Variants in TRIM22 observed in about 807,000 individuals in gnomAD.
TRIM22 encodes the protein tripartite motif containing 22.
A neutral mutation model predicts 53.6 loss-of-function variants in TRIM22; 45 were observed. The observed-to-expected ratio is 0.84, with a 90% CI of 0.66 to 1.08. The LOEUF (loss-of-function observed/expected upper bound fraction) is 1.08. Ranked by LOEUF, TRIM22 falls within the 50% of genes least tolerant of loss-of-function variation. The pLI, the probability that TRIM22 is intolerant of heterozygous loss-of-function variation, is 0.00. For synonymous variants in TRIM22, 225 were observed against 216.6 expected (o/e 1.04, Z -0.34); for missense variants, 616 against 590.9 (o/e 1.04, Z -0.44).
At position 5,709,498 on chromosome 11, in the gene TRIM22, T is replaced by C; in HGVS notation, c.1347T>C (p.Tyr449=). ...GTCGTATTGGGGTTTTCCTAGACTA[T>C]GAGGCAGGCATTGTCTCATTTTTCA... ...PPCRIGVFLD[Y]EAGIVSFFNV... The change falls in exon 8 of 8, where the codon TAT becomes TAC. Residue 449 remains tyrosine (Y), a synonymous_variant. Transcript: ENST00000379965. 6.2e-6 allele frequency: 10 copies of C among 1,614,216 alleles called. No homozygotes were observed. The highest frequency in any genetic ancestry group is 8.5e-6 in the Non-Finnish European group (10 of 1,180,032).
At chr11:5,696,862 C>A in intron 2 of TRIM22, 1 of 582,384 alleles carries the variant, frequency 1.7e-6, no homozygotes, top group Non-Finnish European at 2.9e-6. Flanking sequence ...AAATTTTTAG[C>A]AAGGAAAAGT....
rs1853523304 is a variant in TRIM22, at chr11:5,709,524, A to G, written c.1373A>G (p.Asn458Ser). The change falls in exon 8 of 8, where the codon AAT (asparagine) becomes AGT (serine). Residue 458 changes from asparagine (N) to serine (S), a missense_variant. By Grantham distance (46) the Asn-to-Ser change is conservative. Coordinates refer to ENST00000379965, the MANE Select transcript of TRIM22 (RefSeq NM_006074.5). The part of the protein sequence containing the change: ...DYEAGIVSFF[N>S]VTNHGALIYK... ...GAGGCAGGCATTGTCTCATTTTTCAATGTCACAAACCACGGAGCACTCATC... is the reference window on the plus strand; with the variant it reads ...GAGGCAGGCATTGTCTCATTTTTCAGTGTCACAAACCACGGAGCACTCATC... 3 of 1,613,932 alleles carry G rather than the reference A, an allele frequency of 1.9e-6. No individual in the cohort carries two copies. Among genetic ancestry groups the G allele is most frequent in the African/African-American group, 1.3e-5 (1 of 74,952 alleles).
chr11:5,706,591 C>A lies in TRIM22; in HGVS notation c.751-3C>A. The stretch of plus-strand genomic sequence containing the variant: ...TGACTCATGTTTTCTATCTTTTCCC[C>A]AGGATGTGATTGACGTCATGAAAAG... On this transcript the variant is annotated splice_region_variant and splice_polypyrimidine_tract_variant and intron_variant, in intron 4 of 7. Coordinates refer to ENST00000379965, the MANE Select transcript of TRIM22 (RefSeq NM_006074.5). 6.2e-7 allele frequency: 1 copy of A among 1,611,864 alleles called. No homozygotes were observed. Among genetic ancestry groups the A allele is most frequent in the Non-Finnish European group, 8.5e-7 (1 of 1,178,718 alleles).
At chr11:5,692,630 C>T (rs1853190224) in intron 1 of TRIM22, among the ~76,000 whole-genome samples, 1 of 151,804 alleles carries the variant, frequency 6.6e-6, no homozygotes, top group Admixed American at 6.6e-5. Context: ...AGTTCCTGAC[C>T]CAAGGAACAG....
chr11:5,708,437 G>C, intron 6 of TRIM22, 140 bp from the exon 7 acceptor site: 1 of 994,508 alleles, frequency 1.0e-6, no homozygotes, highest in South Asian at 1.6e-5. Flanking sequence ...GGAATGACCA[G>C]GTGTCTGATT....
chr11:5,708,727 T>C, intron 7 of TRIM22, 124 bp downstream of exon 7: 1 of 961,622 alleles, frequency 1.0e-6, no homozygotes, highest in East Asian at 2.8e-5. Context: ...TTTTTTTTTT[T>C]TTTTTTAAGA....
intron 2 of TRIM22, 119 bp downstream of exon 2, chr11:5,696,774 ATC>A: frequency 1.9e-6 from 2 of 1,053,770 alleles, no homozygotes; most frequent in Non-Finnish European, 2.7e-6. Flanking sequence ...GAGCCCTGTG[ATC>A]TCTTTCCATA....
At chr11:5,694,848 G>A (rs571144446) in intron 1 of TRIM22, among the ~76,000 whole-genome samples, 1 of 152,200 alleles carries the variant, frequency 6.6e-6, no homozygotes, top group East Asian at 1.9e-4. Flanking sequence ...GAGGTCATGG[G>A]AGGACTTGCT....
intron 4 of TRIM22, among the ~76,000 whole-genome samples, chr11:5,706,245 A>T (rs1853454827): frequency 6.6e-6 from 1 of 152,192 alleles, no homozygotes; most frequent in Admixed American, 6.5e-5. Context: ...TGCAGTGGTC[A>T]GTCTGAATCT....
chr11:5,699,655 A>C (rs1853335487), intron 4 of TRIM22, among the ~76,000 whole-genome samples: 1 of 150,946 alleles, frequency 6.6e-6, no homozygotes. Context: ...GTAACAATAC[A>C]AAAGCTTATA....
intron 4 of TRIM22, among the ~76,000 whole-genome samples, chr11:5,702,081 G>A (rs1853381175): frequency 7.1e-6 from 1 of 140,528 alleles, no homozygotes; most frequent in Non-Finnish European, 1.5e-5. Flanking sequence ...CACAAATATA[G>A]CTATATTAGT....
At chr11:5,708,793 T>G (rs564568462) in intron 7 of TRIM22, among the ~76,000 whole-genome samples, 190 bp downstream of exon 7, 2 of 151,842 alleles carry the variant, frequency 1.3e-5, no homozygotes, top group Admixed American at 1.3e-4. Flanking sequence ...CTCGGCTCAC[T>G]GCAACCTCTG....
intron 1 of TRIM22, among the ~76,000 whole-genome samples, chr11:5,695,752 T>C (rs766960180): frequency 6.6e-6 from 1 of 152,132 alleles, no homozygotes; most frequent in Non-Finnish European, 1.5e-5. Context: ...CATGCAAATA[T>C]TGGGGATACA....
intron 1 of TRIM22, among the ~76,000 whole-genome samples, chr11:5,693,893 C>T (rs1223301755): frequency 6.6e-6 from 1 of 152,110 alleles, no homozygotes; most frequent in Non-Finnish European, 1.5e-5. Context: ...GTTGACAGGG[C>T]TGGTTCCTTC....
At chr11:5,701,931 G>A (rs535468587) in intron 4 of TRIM22, among the ~76,000 whole-genome samples, 2 of 151,784 alleles carry the variant, frequency 1.3e-5, no homozygotes, top group South Asian at 2.1e-4. Context: ...TCTATTGACC[G>A]TACTTGCTCT....
chr11:5,695,335 G>A (rs531670203), intron 1 of TRIM22, among the ~76,000 whole-genome samples: 3 of 152,138 alleles, frequency 2.0e-5, no homozygotes, highest in South Asian at 2.1e-4. Context: ...TGCAGAGAGA[G>A]GAGCAAGTGC....
At chr11:5,691,544 T>C (rs1463118519) in intron 1 of TRIM22, among the ~76,000 whole-genome samples, 1 of 152,190 alleles carries the variant, frequency 6.6e-6, no homozygotes, top group African/African-American at 2.4e-5. Flanking sequence ...TTTTCTTTCT[T>C]TGGAGGCAGA....
rs371728648 is a variant in TRIM22 at position 5,709,187 on chromosome 11, G to A, written c.1036G>A (p.Gly346Ser). ...PCDFSAFGVF[G>S]CQYFSSGKYY... ...TGATTTTTCTGCTTTTGGTGTCTTC[G>A]GCTGCCAATATTTCTCTTCGGGGAA... Residue 346 changes from glycine to serine, a missense_variant, in exon 8 of 8, where the codon GGC becomes AGC. Physicochemically the swap from Gly to Ser is moderately conservative, Grantham distance 56. Transcript: ENST00000379965. 40 of 1,613,932 alleles carry A rather than the reference G, an allele frequency of 2.5e-5. No homozygotes were observed. Among genetic ancestry groups the A allele is most frequent in the Non-Finnish European group, 2.7e-5 (32 of 1,180,024 alleles).
intron 5 of TRIM22, 41 bp downstream of exon 5, chr11:5,706,657 G>A (rs370615944): frequency 5.0e-5 from 78 of 1,573,456 alleles, no homozygotes; most frequent in Non-Finnish European, 6.4e-5. Flanking sequence ...TGTCTGAAAA[G>A]AGAATTATAG....
Sources: gnomAD v4.1 joint callset for allele counts (sites outside exome capture counted in the v4.1 genomes callset) on GRCh38, gnomAD v4.1.1 for gene constraint, MANE v1.5 for transcripts, NCBI Gene and HGNC (gene_info 2026-07-23, HGNC 2026-07-21) for gene names.